PLA2G4A: variants seen among roughly 807,000 people sequenced by gnomAD.
The protein encoded by PLA2G4A is phospholipase A2 group IVA, also known as cytosolic phospholipase A2.
In PLA2G4A, 40 loss-of-function variants were observed where a neutral mutation model predicts 81.9. The observed-to-expected ratio is 0.49, with a 90% CI of 0.38 to 0.64. The LOEUF is 0.64. PLA2G4A is among the 30% of genes least tolerant of loss of function. The pLI, the probability that PLA2G4A is intolerant of heterozygous loss-of-function variation, is 0.00. For missense variants in PLA2G4A, 715 were observed against 905.1 expected, an observed-to-expected ratio of 0.79 and a Z score of 2.69; for synonymous variants, 302 against 296.9, an observed-to-expected ratio of 1.02 and a Z score of -0.18.
chr1:186,950,431 T>G (rs981831780), intron 12 of PLA2G4A, among the ~76,000 whole-genome samples: 1 of 152,180 alleles, frequency 6.6e-6, no homozygotes, highest in Non-Finnish European at 1.5e-5. Context: ...CATGAATTAA[T>G]AAATATAAAC....
At chr1:186,962,806 C>G (rs1657005893) in intron 14 of PLA2G4A, among the ~76,000 whole-genome samples, 1 of 135,158 alleles carries the variant, frequency 7.4e-6, no homozygotes, top group Non-Finnish European at 1.6e-5. Flanking sequence ...CAGGCGTGAG[C>G]CACTGCGCCC....
At chr1:186,929,434 T>A (rs1655661433) in intron 7 of PLA2G4A, among the ~76,000 whole-genome samples, 1 of 152,222 alleles carries the variant, frequency 6.6e-6, no homozygotes, top group Admixed American at 6.5e-5. Context: ...GTTACAATTT[T>A]ATAGTTTTAT....
chr1:186,896,656 C>G (rs1042175475), intron 5 of PLA2G4A, among the ~76,000 whole-genome samples: 2 of 152,172 alleles, frequency 1.3e-5, no homozygotes, highest in African/African-American at 2.4e-5. Flanking sequence ...TCTGTCATTT[C>G]CTATGGCTAG....
chr1:186,897,694 A>G (rs1410248129), intron 5 of PLA2G4A, among the ~76,000 whole-genome samples: 2 of 151,916 alleles, frequency 1.3e-5, no homozygotes, highest in East Asian at 3.9e-4. Flanking sequence ...TTTTTAGTAG[A>G]GACGGGGTTT....
chr1:186,866,934 A>T (rs10798061), intron 2 of PLA2G4A, among the ~76,000 whole-genome samples: 128,391 of 152,160 alleles, frequency 0.84, 54,337 homozygotes, highest in African/African-American at 0.9. Context: ...TGTTCCAGCA[A>T]CATTTGTTGA....
intron 2 of PLA2G4A, among the ~76,000 whole-genome samples, chr1:186,857,146 T>C (rs1274652925): frequency 2.4e-4 from 1 of 4,240 alleles, no homozygotes; most frequent in Non-Finnish European, 3.2e-4. Context: ...TATATAATTA[T>C]ATAATTACAT....
At chr1:186,915,445 A>G (rs909473635) in intron 7 of PLA2G4A, among the ~76,000 whole-genome samples, 14 of 152,188 alleles carry the variant, frequency 9.2e-5, no homozygotes, top group African/African-American at 3.4e-4. Context: ...CTTGTGCCCA[A>G]GTAGCAGGCC....
At chr1:186,851,136 C>T (rs1652358320) in intron 1 of PLA2G4A, among the ~76,000 whole-genome samples, 1 of 151,962 alleles carries the variant, frequency 6.6e-6, no homozygotes, top group African/African-American at 2.4e-5. Flanking sequence ...GATCCCATAA[C>T]CAATGGTGTT....
At chr1:186,965,013 CCTGT>C (rs1657083491) in intron 14 of PLA2G4A, among the ~76,000 whole-genome samples, 1 of 152,174 alleles carries the variant, frequency 6.6e-6, no homozygotes. Context: ...CTCTGCCTCA[CCTGT>C]CTGTTATAAG....
chr1:186,896,497 G>C (rs1423063347), intron 5 of PLA2G4A, among the ~76,000 whole-genome samples: 2 of 152,210 alleles, frequency 1.3e-5, no homozygotes, highest in Non-Finnish European at 2.9e-5. Context: ...CATGTTTCTA[G>C]CATAGGCTCT....
chr1:186,954,646 T>G (rs2102252445), intron 13 of PLA2G4A, among the ~76,000 whole-genome samples: 1 of 112,694 alleles, frequency 8.9e-6, no homozygotes, highest in South Asian at 3.6e-4. Context: ...TTGGAAATTA[T>G]GAAGCTGACT....
intron 10 of PLA2G4A, among the ~76,000 whole-genome samples, chr1:186,941,465 T>C (rs1284290371): frequency 6.6e-6 from 1 of 152,218 alleles, no homozygotes; most frequent in African/African-American, 2.4e-5. Flanking sequence ...AGAACGCACT[T>C]ATCACATTTG....
chr1:186,838,934 C>T (rs891200487), intron 1 of PLA2G4A, among the ~76,000 whole-genome samples: 2 of 152,180 alleles, frequency 1.3e-5, no homozygotes, highest in Non-Finnish European at 2.9e-5. Flanking sequence ...TTTCATTTTG[C>T]ATCTAAAAGT....
At position 186,938,994 on chromosome 1, in the gene PLA2G4A, T is replaced by G; in HGVS notation, c.696-14T>G. 1 of 1,326,332 alleles carries G rather than the reference T, an allele frequency of 7.5e-7. No individual in the cohort carries two copies. Among genetic ancestry groups the G allele is most frequent in the Non-Finnish European group, 1.1e-6 (1 of 917,768 alleles). The allele number at this position is 1,326,332 out of a possible 1,614,324, so 82.2% of individuals were successfully genotyped here. On this transcript the variant is annotated splice_polypyrimidine_tract_variant and intron_variant, in intron 8 of 17. Coordinates refer to ENST00000367466, the MANE Select transcript of PLA2G4A (RefSeq NM_024420.3). ...CTCTTTATCTTTACTGATTGTGTTT[T>G]GTTTTCTGTATAGGTATATGTCAAC...
chr1:186,915,289 A>G (rs1410534538), intron 7 of PLA2G4A, among the ~76,000 whole-genome samples: 2 of 152,106 alleles, frequency 1.3e-5, no homozygotes. Flanking sequence ...ATCTATTTTG[A>G]CAGATAGCAT....
At chr1:186,839,369 A>T (rs1206413844) in intron 1 of PLA2G4A, among the ~76,000 whole-genome samples, 1 of 152,132 alleles carries the variant, frequency 6.6e-6, no homozygotes, top group Non-Finnish European at 1.5e-5. Flanking sequence ...GTCATTCTGC[A>T]CTTTATTCCT....
At chr1:186,830,029 G>A (rs2101987792) in intron 1 of PLA2G4A, among the ~76,000 whole-genome samples, 1 of 152,240 alleles carries the variant, frequency 6.6e-6, no homozygotes, top group South Asian at 2.1e-4. Context: ...GTGGCTCAAG[G>A]GATATTTGTA....
intron 5 of PLA2G4A, among the ~76,000 whole-genome samples, chr1:186,904,192 T>C (rs895700480): frequency 6.6e-6 from 1 of 152,258 alleles, no homozygotes; most frequent in African/African-American, 2.4e-5. Flanking sequence ...ATGACATTGC[T>C]GCTTTTCACA....
intron 3 of PLA2G4A, among the ~76,000 whole-genome samples, chr1:186,875,736 C>T (rs1653472321): frequency 6.6e-6 from 1 of 152,066 alleles, no homozygotes; most frequent in Non-Finnish European, 1.5e-5. Flanking sequence ...CAGCGTCACT[C>T]TAGGTACCCT....
Sources: allele counts gnomAD v4.1 joint callset (sites outside exome capture counted in the v4.1 genomes callset), GRCh38; gene constraint gnomAD v4.1.1; transcripts MANE v1.5; gene names NCBI Gene and HGNC (gene_info 2026-07-23, HGNC 2026-07-21).